Variants in GUCY1A2 observed in about 807,000 individuals in gnomAD.
GUCY1A2 encodes guanylate cyclase soluble subunit alpha-2.
Under a neutral mutation model 63.5 loss-of-function variants are expected in GUCY1A2, and 27 were observed. The observed-to-expected ratio is 0.43, with a 90% CI of 0.31 to 0.59. The LOEUF is 0.59. Ranked by LOEUF, GUCY1A2 falls within the 20% of genes least tolerant of loss-of-function variation. GUCY1A2 has a pLI of 0.11. For synonymous variants in GUCY1A2, 364 were observed against 343.5 expected (o/e 1.06, Z -0.66); for missense variants, 768 against 913.3 (o/e 0.84, Z 2.05).
At chr11:107,007,038 C>T (rs1449280313) in intron 1 of GUCY1A2, among the ~76,000 whole-genome samples, 1 of 152,038 alleles carries the variant, frequency 6.6e-6, no homozygotes, top group Non-Finnish European at 1.5e-5. Flanking sequence ...CTCTAAAACC[C>T]GTAGACTGTC....
At chr11:106,705,685 C>A (rs550917808) in intron 7 of GUCY1A2, among the ~76,000 whole-genome samples, 103 of 152,008 alleles carry the variant, frequency 6.8e-4, no homozygotes, top group African/African-American at 2.3e-3. Flanking sequence ...AAGATGAAAC[C>A]CCGTCTCTAC....
At chr11:106,770,047 T>C (rs1238111162) in intron 6 of GUCY1A2, among the ~76,000 whole-genome samples, 1 of 151,834 alleles carries the variant, frequency 6.6e-6, no homozygotes, top group East Asian at 1.9e-4. Flanking sequence ...AAAAAAAATA[T>C]AACAAACAAA....
chr11:107,014,368 T>A lies in GUCY1A2; in HGVS notation c.303+3385A>T, dbSNP rs573314559. Reference sequence around the variant, plus strand: ...TCCCAAAGTGCTGGGATTACAGGCATGAGCCACCACGCCTGGCCCATGTTT... The same window carrying A: ...TCCCAAAGTGCTGGGATTACAGGCAAGAGCCACCACGCCTGGCCCATGTTT... On this transcript the variant is annotated intron_variant, in intron 1 of 7. Coordinates refer to ENST00000526355, the MANE Select transcript of GUCY1A2 (RefSeq NM_000855.3). Among the ~76,000 whole-genome samples the A allele has an allele frequency of 3.9e-5, 6 of 152,284 alleles. No homozygotes were observed. The South Asian group carries it at 1.2e-3, about 32-fold the overall frequency.
chr11:106,897,569 A>G (rs1438017428), intron 4 of GUCY1A2, among the ~76,000 whole-genome samples: 1 of 152,056 alleles, frequency 6.6e-6, no homozygotes, highest in East Asian at 1.9e-4. Flanking sequence ...AGTAAAACTG[A>G]TCTTTGACAA....
chr11:106,801,772 T>C (rs1215951096), intron 5 of GUCY1A2, among the ~76,000 whole-genome samples: 1 of 152,118 alleles, frequency 6.6e-6, no homozygotes, highest in East Asian at 1.9e-4. Flanking sequence ...GGATACCCCA[T>C]TTTCCATGAT....
chr11:106,790,950 G>T (rs1490674000), intron 5 of GUCY1A2, among the ~76,000 whole-genome samples: 1 of 152,216 alleles, frequency 6.6e-6, no homozygotes, highest in Non-Finnish European at 1.5e-5. Context: ...GCCTGGGGTT[G>T]AGGGAGGGGT....
chr11:106,804,979 T>A (rs760473752), intron 5 of GUCY1A2, among the ~76,000 whole-genome samples: 9 of 152,190 alleles, frequency 5.9e-5, no homozygotes, highest in Non-Finnish European at 1.3e-4. Context: ...ACTCTGCTTT[T>A]CCAGCTAGGC....
At chr11:106,722,854 A>C (rs962164137) in intron 6 of GUCY1A2, among the ~76,000 whole-genome samples, 6 of 151,988 alleles carry the variant, frequency 3.9e-5, no homozygotes, top group Non-Finnish European at 5.9e-5. Flanking sequence ...ATCCCTTTGC[A>C]TATAGAACCA....
At chr11:106,879,365 T>G (rs959825530) in intron 4 of GUCY1A2, among the ~76,000 whole-genome samples, 5 of 151,998 alleles carry the variant, frequency 3.3e-5, no homozygotes, top group Admixed American at 6.6e-5. Context: ...AAACATGTAC[T>G]CAAAAAACTA....
intron 5 of GUCY1A2, among the ~76,000 whole-genome samples, chr11:106,777,061 C>T (rs1031579690): frequency 5.3e-5 from 8 of 152,122 alleles, no homozygotes; most frequent in South Asian, 2.1e-4. Context: ...AAAATTGTAA[C>T]GCCTAATGTT....
At chr11:106,945,902 T>C (rs931500440) in intron 3 of GUCY1A2, among the ~76,000 whole-genome samples, 1 of 151,978 alleles carries the variant, frequency 6.6e-6, no homozygotes, top group Admixed American at 6.6e-5. Flanking sequence ...GAGGCGGAGG[T>C]TGCAGTGAGC....
chr11:106,873,467 TG>T (rs1859707915), intron 4 of GUCY1A2, among the ~76,000 whole-genome samples: 1 of 152,184 alleles, frequency 6.6e-6, no homozygotes, highest in South Asian at 2.1e-4. Flanking sequence ...CCATTTTGAC[TG>T]GTATGAGATG....
At chr11:106,870,491 T>C (rs1006052361) in intron 4 of GUCY1A2, among the ~76,000 whole-genome samples, 2 of 152,130 alleles carry the variant, frequency 1.3e-5, no homozygotes, top group Non-Finnish European at 2.9e-5. Context: ...ATAAAAATAA[T>C]TTAAGTAAAT....
rs1859163778 is a variant in GUCY1A2, at chr11:106,839,359, A to G, written c.1207-28881T>C. Among the ~76,000 whole-genome samples the G allele has an allele frequency of 2.0e-5, 3 of 151,976 alleles. No individual in the cohort carries two copies. In the South Asian group the frequency reaches 6.2e-4, roughly 31 times the overall value. Reference sequence around the variant, plus strand: ...GCGATCATTAAAAAGTCAGGGAACAACAGGTGCTGGAGGGGACGTGGAGAA... The same window carrying G: ...GCGATCATTAAAAAGTCAGGGAACAGCAGGTGCTGGAGGGGACGTGGAGAA... On this transcript the variant is annotated intron_variant, in intron 4 of 7. Transcript: ENST00000526355.
chr11:106,875,594 A>G (rs1029184674), intron 4 of GUCY1A2, among the ~76,000 whole-genome samples: 2 of 152,034 alleles, frequency 1.3e-5, no homozygotes, highest in Non-Finnish European at 2.9e-5. Flanking sequence ...GCAGTCCCAA[A>G]CTTAAGATTT....
intron 5 of GUCY1A2, among the ~76,000 whole-genome samples, chr11:106,805,082 T>A (rs1858663154): frequency 6.6e-6 from 1 of 152,166 alleles, no homozygotes; most frequent in African/African-American, 2.4e-5. Context: ...AGAATTTGGG[T>A]CCTGGTATTA....
chr11:106,800,082 T>A (rs1325243515), intron 5 of GUCY1A2, among the ~76,000 whole-genome samples: 2 of 152,182 alleles, frequency 1.3e-5, no homozygotes. Context: ...GCGAAGGATA[T>A]GAACAGACAC....
At chr11:106,878,593 A>G (rs1243216269) in intron 4 of GUCY1A2, among the ~76,000 whole-genome samples, 1 of 151,968 alleles carries the variant, frequency 6.6e-6, no homozygotes, top group Non-Finnish European at 1.5e-5. Flanking sequence ...ACATGGAAAC[A>G]TAGATGGGAA....
intron 4 of GUCY1A2, among the ~76,000 whole-genome samples, chr11:106,815,720 T>C (rs762502679): frequency 1.3e-5 from 2 of 151,940 alleles, no homozygotes; most frequent in Non-Finnish European, 2.9e-5. Context: ...TCTGATACTT[T>C]GATCGTCATG....
Sources: gnomAD v4.1 joint callset for allele counts (sites outside exome capture counted in the v4.1 genomes callset) on GRCh38, gnomAD v4.1.1 for gene constraint, MANE v1.5 for transcripts, NCBI Gene and HGNC (gene_info 2026-07-23, HGNC 2026-07-21) for gene names.